Variants in RARB observed in about 807,000 individuals in gnomAD.
RARB encodes HBV-activated protein.
RARB carries 17 observed loss-of-function variants against 51.9 expected under a neutral mutation model. The ratio of observed to expected loss-of-function variants is 0.33; its 90% CI spans 0.22 to 0.49. RARB has a LOEUF of 0.49. Among genes scored for constraint, RARB ranks in the 20% least tolerant of loss-of-function variants. The probability of loss-of-function intolerance (pLI) is 0.99; values close to 1 mark genes in which losing one functional copy is unlikely to be tolerated. For synonymous variants in RARB, 215 were observed against 195.4 expected (o/e 1.10, Z -0.84); for missense variants, 369 against 550.8 (o/e 0.67, Z 3.30).
intron 2 of RARB, among the ~76,000 whole-genome samples, chr3:24,918,343 T>C (rs1414501498): frequency 6.6e-6 from 1 of 152,196 alleles, no homozygotes; most frequent in African/African-American, 2.4e-5. Context: ...TTTATTTGTA[T>C]GAAATACCTA....
intron 4 of RARB, among the ~76,000 whole-genome samples, chr3:25,163,504 A>AAAAAAAAAAAAAAAAAAAATATATAT (rs1303712411): frequency 7.6e-6 from 1 of 131,096 alleles, no homozygotes; most frequent in African/African-American, 3.2e-5. Flanking sequence ...CCTATCTCAA[A>AAAAAAAAAAAAAAAAAAAATATATAT]ATATATATAT....
chr3:24,873,623 G>T, intron 2 of RARB, among the ~76,000 whole-genome samples: 1 of 147,912 alleles, frequency 6.8e-6, no homozygotes, highest in African/African-American at 2.5e-5. Flanking sequence ...TTTTTATTTG[G>T]GTTTATGCTT....
chr3:24,871,193 T>C (rs1433192736), intron 2 of RARB, among the ~76,000 whole-genome samples: 1 of 152,176 alleles, frequency 6.6e-6, no homozygotes, highest in Non-Finnish European at 1.5e-5. Flanking sequence ...AAGTTTTTTA[T>C]ACAGTAACAC....
chr3:25,285,090 A>G (rs989736571), intron 5 of RARB, among the ~76,000 whole-genome samples: 18 of 152,170 alleles, frequency 1.2e-4, no homozygotes, highest in African/African-American at 3.4e-4. Flanking sequence ...GGGAGCCCTC[A>G]TGGGGCTTCC....
intron 1 of RARB, among the ~76,000 whole-genome samples, chr3:25,431,547 C>T (rs1432654592): frequency 6.6e-6 from 1 of 152,076 alleles, no homozygotes; most frequent in Non-Finnish European, 1.5e-5. Context: ...AATTTCTGTT[C>T]AGATGTCTCC....
intron 5 of RARB, among the ~76,000 whole-genome samples, chr3:25,234,273 G>A (rs1702251661): frequency 1.3e-5 from 2 of 151,958 alleles, no homozygotes; most frequent in South Asian, 4.1e-4. Flanking sequence ...ATTTCTTCTT[G>A]AGTGACTTTT....
chr3:25,508,042 C>T (rs905502049), intron 3 of RARB, among the ~76,000 whole-genome samples: 1 of 152,150 alleles, frequency 6.6e-6, no homozygotes, highest in Admixed American at 6.5e-5. Flanking sequence ...GTTTATGTGC[C>T]CATGCCCTTG....
intron 2 of RARB, among the ~76,000 whole-genome samples, chr3:24,997,680 C>T (rs180721195): frequency 5.3e-5 from 8 of 152,100 alleles, no homozygotes; most frequent in East Asian, 1.9e-4. Context: ...CCACTGCGCC[C>T]GACCTGATTT....
At chr3:24,902,708 A>T (rs1209867843) in intron 2 of RARB, among the ~76,000 whole-genome samples, 1 of 152,156 alleles carries the variant, frequency 6.6e-6, no homozygotes, top group African/African-American at 2.4e-5. Context: ...TCATTATAAA[A>T]ATGCTCACTG....
At chr3:25,223,201 T>C (rs180837992) in intron 5 of RARB, among the ~76,000 whole-genome samples, 1 of 152,346 alleles carries the variant, frequency 6.6e-6, no homozygotes, top group East Asian at 1.9e-4. Flanking sequence ...ACTCAGTTCC[T>C]TTCTGTCACT....
intron 5 of RARB, among the ~76,000 whole-genome samples, chr3:25,234,444 G>A (rs377345295): frequency 1.3e-5 from 2 of 152,062 alleles, no homozygotes; most frequent in South Asian, 4.2e-4. Flanking sequence ...CAGTTTTGTT[G>A]ATCCTTTTAA....
chr3:25,067,238 C>T (rs1559453863), intron 3 of RARB, among the ~76,000 whole-genome samples: 4 of 151,946 alleles, frequency 2.6e-5, no homozygotes, highest in African/African-American at 7.3e-5. Context: ...TGATACTGCC[C>T]GAGAGAGTAT....
At chr3:25,393,319 G>T (rs1707025121) in intron 5 of RARB, among the ~76,000 whole-genome samples, 1 of 151,464 alleles carries the variant, frequency 6.6e-6, no homozygotes, top group South Asian at 2.1e-4. Context: ...GAGGATTTTT[G>T]TGTCTATGTT....
At chr3:25,081,586 C>CATATATATATATATATATATATAT (rs1161956011) in intron 3 of RARB, among the ~76,000 whole-genome samples, 2 of 19,638 alleles carry the variant, frequency 1.0e-4, no homozygotes, top group Non-Finnish European at 1.7e-4. Flanking sequence ...GCTTCATATA[C>CATATATATATATATATATATATAT]ATATATATAT....
chr3:24,839,733 G>T, intron 1 of RARB, among the ~76,000 whole-genome samples: 1 of 122,718 alleles, frequency 8.1e-6, no homozygotes, highest in African/African-American at 2.8e-5. Flanking sequence ...GGGGGGGGTG[G>T]GGGAAGAAAC....
At chr3:25,229,656 C>CTT (rs376375418) in intron 5 of RARB, among the ~76,000 whole-genome samples, 3 of 148,924 alleles carry the variant, frequency 2.0e-5, no homozygotes, top group Non-Finnish European at 4.5e-5. Flanking sequence ...AATGGGCACC[C>CTT]TTTTTTTTTT....
rs1559487148 is a variant in RARB, at chr3:25,597,839, A to AGATT, written c.*1225_*1228dup. 1.3e-5 allele frequency: 2 copies of AGATT among 152,004 alleles called. No homozygotes were observed. The highest frequency in any genetic ancestry group is 4.9e-5 in the African/African-American group (2 of 41,202). 9.4% of individuals were successfully genotyped at this position (152,004 alleles called of 1,614,324 possible). A position where few individuals can be genotyped will look rare whatever the true frequency, so the allele number is the denominator to read the frequency against. On this transcript the variant is annotated 3_prime_UTR_variant, in exon 8 of 8. Transcript: ENST00000330688. ...TTTCACTGGCTCTGTTTGTACATTG[A>AGATT]GATTGTTTGTTTAACAATGCTTTCT...
chr3:25,083,269 T>G (rs1439880232), intron 3 of RARB, among the ~76,000 whole-genome samples: 1 of 152,184 alleles, frequency 6.6e-6, no homozygotes, highest in Non-Finnish European at 1.5e-5. Flanking sequence ...TGTCTTTTCT[T>G]AGGGGATCCT....
chr3:25,274,740 A>C (rs1471637713), intron 5 of RARB, among the ~76,000 whole-genome samples: 1 of 152,064 alleles, frequency 6.6e-6, no homozygotes, highest in African/African-American at 2.4e-5. Context: ...TTATTCTGGG[A>C]CCAGCAGCTG....
Sources: allele counts gnomAD v4.1 joint callset (sites outside exome capture counted in the v4.1 genomes callset), GRCh38; gene constraint gnomAD v4.1.1; transcripts MANE v1.5; gene names NCBI Gene and HGNC (gene_info 2026-07-23, HGNC 2026-07-21).